SERPINB6: variants seen among roughly 807,000 people sequenced by gnomAD.
The protein encoded by SERPINB6 is serpin B6.
In SERPINB6, 16 loss-of-function variants were observed where a neutral mutation model predicts 26.1. That is an observed-to-expected ratio of 0.61 (90% CI 0.42 to 0.93). The LOEUF is 0.93. Ranked by LOEUF, SERPINB6 falls within the 40% of genes least tolerant of loss-of-function variation. The pLI is 0.00. For synonymous variants in SERPINB6, 174 were observed against 176.6 expected (o/e 0.99, Z 0.11); for missense variants, 420 against 478.0 (o/e 0.88, Z 1.13).
Position 2,948,735 on chromosome 6 carries a change from G to A in SERPINB6, c.730-36C>T. The A allele has an allele frequency of 6.2e-7, 1 of 1,605,086 alleles. No individual in the cohort carries two copies. Among genetic ancestry groups the A allele is most frequent in the Non-Finnish European group, 8.5e-7 (1 of 1,172,170 alleles). ...ACAGTTGAAGACTTTAAGACCCAGGGTGCTGCTGCCCAGCAGGGCCCTGTG... is the reference window on the plus strand; with the variant it reads ...ACAGTTGAAGACTTTAAGACCCAGGATGCTGCTGCCCAGCAGGGCCCTGTG... On this transcript the variant is annotated intron_variant, in intron 6 of 6. Coordinates refer to ENST00000380539, the MANE Select transcript of SERPINB6 (RefSeq NM_004568.6). The surrounding 1 kb of genome is among the most constrained non-coding windows in gnomAD (Gnocchi z 5.0).
intron 1 of SERPINB6, 73 bp from the exon 2 acceptor site, chr6:2,959,415 C>T: frequency 6.7e-7 from 1 of 1,496,462 alleles, no homozygotes. Flanking sequence ...GCCTTACCGA[C>T]AGTCACCGCC....
chr6:2,952,504 G>C (rs549160341), intron 5 of SERPINB6, among the ~76,000 whole-genome samples: 1 of 152,358 alleles, frequency 6.6e-6, no homozygotes, highest in South Asian at 2.1e-4. Context: ...CTATCTACAT[G>C]TTTGGTTTGG....
intron 4 of SERPINB6, 68 bp from the exon 5 acceptor site, chr6:2,953,254 G>A: frequency 6.2e-7 from 1 of 1,605,522 alleles, no homozygotes; most frequent in Non-Finnish European, 8.5e-7. Flanking sequence ...TCAGGAATCG[G>A]CTGGGGCCTT....
rs1390416772 is a variant in SERPINB6 at position 2,967,515 on chromosome 6, A to T, written c.-11+4018T>A. ...AACAGAGTAAACAGCCAACCTACGG[A>T]ATGGGAGAAAATATTCACAAACTAT... On this transcript the variant is annotated intron_variant, in intron 1 of 6. Transcript: ENST00000380539. The surrounding 1 kb of genome is among the most constrained non-coding windows in gnomAD (Gnocchi z 4.3). 6.6e-6 allele frequency: 1 copy of T among 152,232 alleles called. No individual in the cohort carries two copies. 9.4% of individuals were successfully genotyped at this position (152,232 alleles called of 1,614,324 possible).
chr6:2,969,888 G>C lies in SERPINB6; in HGVS notation c.-11+1645C>G, dbSNP rs1046581618. 3.4e-6 allele frequency: 3 copies of C among 872,510 alleles called. No homozygotes were observed. The East Asian group carries it at 3.6e-4, about 105-fold the overall frequency. 54.0% of individuals were successfully genotyped at this position (872,510 alleles called of 1,614,324 possible). A position where few individuals can be genotyped will look rare whatever the true frequency, so the allele number is the denominator to read the frequency against. On this transcript the variant is annotated intron_variant, in intron 1 of 6. Coordinates refer to ENST00000380539, the MANE Select transcript of SERPINB6 (RefSeq NM_004568.6). ...GCAGTGGCTCACATCTGTAATCCCA[G>C]CACTTTGGGAGGCCAAGGCGGGCAG...
At chr6:2,953,373 A>C (rs929962854) in intron 4 of SERPINB6, among the ~76,000 whole-genome samples, 187 bp from the exon 5 acceptor site, 7 of 152,240 alleles carry the variant, frequency 4.6e-5, no homozygotes, top group Non-Finnish European at 1.0e-4. Flanking sequence ...GAAAAACATC[A>C]TCAATTGAAT....
chr6:2,953,016 G>A (rs1428781049), intron 5 of SERPINB6, 28 bp downstream of exon 5: 4 of 1,613,768 alleles, frequency 2.5e-6, no homozygotes, highest in South Asian at 1.1e-5. Flanking sequence ...GAACACAGGC[G>A]CTGCTCCTGT....
intron 2 of SERPINB6, chr6:2,956,108 A>T: frequency 5.1e-6 from 1 of 194,614 alleles, no homozygotes; most frequent in East Asian, 1.3e-4. Flanking sequence ...ATTAAAGGCC[A>T]GAAGGGTCTT....
chr6:2,970,325 G>A (rs1407781611), intron 1 of SERPINB6: 7 of 988,610 alleles, frequency 7.1e-6, no homozygotes, highest in African/African-American at 1.7e-5. Flanking sequence ...AGTTTACATA[G>A]TCGAGTATGA....
At chr6:2,970,894 G>A (rs759174283) in intron 1 of SERPINB6, 44 of 1,230,880 alleles carry the variant, frequency 3.6e-5, no homozygotes, top group Non-Finnish European at 4.5e-5. Context: ...CGTCTCCACA[G>A]GTCTGGGCGA....
At chr6:2,968,670 T>C (rs961804509) in intron 1 of SERPINB6, 41 of 1,228,532 alleles carry the variant, frequency 3.3e-5, no homozygotes, top group Non-Finnish European at 4.1e-5. Flanking sequence ...TGCTTTATTT[T>C]ATTTAGGTCT....
At chr6:2,971,174 G>C in intron 1 of SERPINB6, 5 of 995,916 alleles carry the variant, frequency 5.0e-6, no homozygotes, top group Non-Finnish European at 6.0e-6. Flanking sequence ...TCTTCCGTGG[G>C]CGCTGGGCCT....
At position 2,948,841 on chromosome 6, in the gene SERPINB6, A is replaced by G; in HGVS notation, c.729+73T>C. The G allele has an allele frequency of 6.3e-7, 1 of 1,598,386 alleles. No individual in the cohort carries two copies. The highest frequency in any genetic ancestry group is 2.2e-5 in the East Asian group (1 of 44,812). ...AGTGTTAAACGGCTGACCGCAAAGT[A>G]GGGACAGCAGCCACAGCAGACACCC... On this transcript the variant is annotated intron_variant, in intron 6 of 6. Coordinates refer to ENST00000380539, the MANE Select transcript of SERPINB6 (RefSeq NM_004568.6). The surrounding 1 kb of genome is among the most constrained non-coding windows in gnomAD (Gnocchi z 5.0).
At chr6:2,955,203 CAA>C (rs66527971) in intron 3 of SERPINB6, 42 of 224,536 alleles carry the variant, frequency 1.9e-4, no homozygotes, top group East Asian at 4.5e-4. Flanking sequence ...AAAAAAAAAA[CAA>C]AAAAAAAAAA....
intron 3 of SERPINB6, chr6:2,955,189 CAAA>C: frequency 5.7e-6 from 1 of 176,052 alleles, no homozygotes; most frequent in East Asian, 1.5e-4. Flanking sequence ...GATTCTGTCT[CAAA>C]AAAAAAAAAA....
At position 2,959,105 on chromosome 6, in the gene SERPINB6, T is replaced by G. The variant is rs368738753; in HGVS notation, c.165+63A>C. 8.0e-4 allele frequency: 1,280 copies of G among 1,599,310 alleles called. 22 individuals carry two copies. In the South Asian group the frequency reaches 0.014, roughly 17 times the overall value. On this transcript the variant is annotated intron_variant, in intron 2 of 6. Transcript: ENST00000380539. Reference sequence around the variant, plus strand: ...CCGTCTCGAGCGATCCCTTTGGGATTTGGAATAAGGAGGACCAGCTAACTT... The same window carrying G: ...CCGTCTCGAGCGATCCCTTTGGGATGTGGAATAAGGAGGACCAGCTAACTT...
chr6:2,956,074 C>CAA (rs1157535994), intron 2 of SERPINB6: 33 of 156,374 alleles, frequency 2.1e-4, no homozygotes, highest in South Asian at 1.6e-3. Context: ...GACTCCGTCT[C>CAA]AAAAAAAAAA....
Position 2,948,199 on chromosome 6 carries a change from T to C in SERPINB6, c.*99A>G. ...ACAAATGGGCCCTTTATTTCTGAACTGCCACCACTGCACGGATAAGGCCAC... is the reference window on the plus strand; with the variant it reads ...ACAAATGGGCCCTTTATTTCTGAACCGCCACCACTGCACGGATAAGGCCAC... On this transcript the variant is annotated 3_prime_UTR_variant, in exon 7 of 7. Coordinates refer to ENST00000380539, the MANE Select transcript of SERPINB6 (RefSeq NM_004568.6). This position sits in a 1 kb window ranked among gnomAD's most constrained non-coding sequence, Gnocchi z 5.0. The C allele has an allele frequency of 7.3e-7, 1 of 1,364,460 alleles. No homozygotes were observed. The highest frequency in any genetic ancestry group is 1.0e-6 in the Non-Finnish European group (1 of 957,452). The allele number at this position is 1,364,460 out of a possible 1,614,324, so 84.5% of individuals were successfully genotyped here.
intron 1 of SERPINB6, chr6:2,969,683 T>G (rs1020847180): frequency 2.4e-5 from 24 of 985,272 alleles, no homozygotes; most frequent in Non-Finnish European, 2.8e-5. Context: ...TGCCTTTATT[T>G]CCTACTAAAT....
Sources: allele counts gnomAD v4.1 joint callset (sites outside exome capture counted in the v4.1 genomes callset), GRCh38; gene constraint gnomAD v4.1.1; non-coding constraint Gnocchi (gnomAD v3.1); transcripts MANE v1.5; gene names NCBI Gene and HGNC (gene_info 2026-07-23, HGNC 2026-07-21).